TBC1D5: variants seen among roughly 807,000 people sequenced by gnomAD.
TBC1D5 encodes TBC1 domain family, member 5.
Under a neutral mutation model 100.3 loss-of-function variants are expected in TBC1D5, and 75 were observed. The ratio of observed to expected loss-of-function variants is 0.75; its 90% confidence interval spans 0.62 to 0.91. TBC1D5 has a LOEUF of 0.91. Among genes scored for constraint, TBC1D5 ranks in the 40% least tolerant of loss-of-function variants. The probability of loss-of-function intolerance (pLI) is 0.00; values close to 1 mark genes in which losing one functional copy is unlikely to be tolerated. For synonymous variants in TBC1D5, 323 were observed against 325.6 expected, an observed-to-expected ratio of 0.99 and a Z score of 0.09; for missense variants, 910 against 942.4, an observed-to-expected ratio of 0.97 and a Z score of 0.45.
intron 2 of TBC1D5, among the ~76,000 whole-genome samples, chr3:17,623,557 T>A (rs1028530819): frequency 6.6e-6 from 1 of 152,200 alleles, no homozygotes; most frequent in African/African-American, 2.4e-5. Context: ...TCATTTTTAG[T>A]CTAAATCTTC....
intron 16 of TBC1D5, among the ~76,000 whole-genome samples, chr3:17,247,866 G>A (rs2076866255): frequency 6.6e-6 from 1 of 152,086 alleles, no homozygotes. Context: ...CCATCCGTAG[G>A]AACTCTCTTC....
At chr3:17,727,573 C>T (rs546124239) in intron 1 of TBC1D5, among the ~76,000 whole-genome samples, 82 of 152,240 alleles carry the variant, frequency 5.4e-4, no homozygotes, top group African/African-American at 1.8e-3. Context: ...TAATCGTCCA[C>T]AAATCTACAT....
intron 4 of TBC1D5, among the ~76,000 whole-genome samples, chr3:17,410,447 A>G (rs1334843590): frequency 6.6e-6 from 1 of 152,090 alleles, no homozygotes; most frequent in Admixed American, 6.6e-5. Flanking sequence ...GTCATTTCTA[A>G]TTTCAAGTTT....
chr3:17,676,806 A>G (rs2068704004), intron 1 of TBC1D5, among the ~76,000 whole-genome samples: 1 of 152,232 alleles, frequency 6.6e-6, no homozygotes, highest in African/African-American at 2.4e-5. Flanking sequence ...AAACAGAGAT[A>G]TAGACCAATG....
chr3:17,454,456 G>C (rs1273441605), intron 3 of TBC1D5, among the ~76,000 whole-genome samples: 1 of 151,944 alleles, frequency 6.6e-6, no homozygotes, highest in African/African-American at 2.4e-5. Context: ...AAAATCAATA[G>C]CATCTTTTTT....
intron 2 of TBC1D5, among the ~76,000 whole-genome samples, chr3:17,606,157 G>A (rs1371258550): frequency 6.6e-6 from 1 of 152,108 alleles, no homozygotes; most frequent in Non-Finnish European, 1.5e-5. Context: ...AAGTATTTTA[G>A]GGCTGCGTAC....
chr3:17,213,086 T>A (rs2073175972), intron 18 of TBC1D5, among the ~76,000 whole-genome samples: 1 of 152,208 alleles, frequency 6.6e-6, no homozygotes, highest in African/African-American at 2.4e-5. Flanking sequence ...TACCATTTTT[T>A]TTCCTGTATA....
chr3:17,360,901 A>G (rs1191108312), intron 13 of TBC1D5, among the ~76,000 whole-genome samples: 2 of 152,000 alleles, frequency 1.3e-5, no homozygotes, highest in East Asian at 1.9e-4. Flanking sequence ...TTAGTCCCAT[A>G]TATTTACTAG....
intron 2 of TBC1D5, among the ~76,000 whole-genome samples, chr3:17,584,638 G>C (rs898596213): frequency 1.3e-5 from 2 of 151,980 alleles, no homozygotes; most frequent in Non-Finnish European, 2.9e-5. Context: ...TGTATGACAG[G>C]ATTCAAAATA....
chr3:17,354,400 TA>T (rs1209559151), intron 13 of TBC1D5, among the ~76,000 whole-genome samples: 3 of 152,154 alleles, frequency 2.0e-5, no homozygotes, highest in Non-Finnish European at 4.4e-5. Flanking sequence ...CTGTATACTT[TA>T]CACCTTCTTT....
At chr3:17,680,301 G>A (rs73166544) in intron 1 of TBC1D5, among the ~76,000 whole-genome samples, 5,558 of 149,938 alleles carry the variant, frequency 0.037, 528 homozygotes, top group African/African-American at 0.13. Flanking sequence ...GGGTGATCAC[G>A]GCTCATTGCA....
At chr3:17,710,304 C>T (rs898411671) in intron 1 of TBC1D5, among the ~76,000 whole-genome samples, 1 of 152,122 alleles carries the variant, frequency 6.6e-6, no homozygotes, top group African/African-American at 2.4e-5. Flanking sequence ...GTGGCTCACA[C>T]CTGTAATCCC....
chr3:17,280,556 C>T lies in TBC1D5; in HGVS notation c.1245+11339G>A, dbSNP rs369452459. On this transcript the variant is annotated intron_variant, in intron 15 of 21. Coordinates refer to ENST00000253692, the Ensembl canonical transcript of TBC1D5. ...CTAGACATTGGAGACTATGGTTTGA[C>T]GTCAAAGAGAAGCAGCTTGACTTCA... Among the ~76,000 whole-genome samples the T allele has an allele frequency of 2.2e-4, 34 of 152,210 alleles. No individual in the cohort carries two copies. The South Asian group carries it at 6.0e-3, about 27-fold the overall frequency.
At chr3:17,479,266 G>A (rs1338101139) in intron 3 of TBC1D5, among the ~76,000 whole-genome samples, 1 of 151,980 alleles carries the variant, frequency 6.6e-6, no homozygotes, top group African/African-American at 2.4e-5. Context: ...AGCCAGGCAT[G>A]GTAGCACATA....
At chr3:17,251,434 C>T (rs991526493) in intron 16 of TBC1D5, among the ~76,000 whole-genome samples, 4 of 145,326 alleles carry the variant, frequency 2.8e-5, no homozygotes, top group African/African-American at 9.9e-5. Flanking sequence ...AACCCCCCCC[C>T]CCCCAGTAGA....
intron 2 of TBC1D5, among the ~76,000 whole-genome samples, chr3:17,554,438 T>TA: frequency 6.6e-6 from 1 of 152,256 alleles, no homozygotes; most frequent in South Asian, 2.1e-4. Context: ...CCTCAAAGGA[T>TA]AGTGAAATGG....
chr3:17,486,150 G>C (rs1576302037), intron 3 of TBC1D5, among the ~76,000 whole-genome samples: 1 of 152,172 alleles, frequency 6.6e-6, no homozygotes. Flanking sequence ...CTTTTGAGAA[G>C]TGTCGGTTCA....
rs371022003 is a variant in TBC1D5 at position 17,738,401 on chromosome 3, ACT to A, written c.-101+940_-101+941del. ...CACACATACACACACACACACACAC[ACT>A]CTCTCTCTCTCTCTAATTCTCAAAG... On this transcript the variant is annotated intron_variant, in intron 1 of 21. Coordinates refer to ENST00000253692, the Ensembl canonical transcript of TBC1D5. 4.8e-4 allele frequency among the ~76,000 whole-genome samples: 71 copies of A among 149,444 alleles called. 1 individual carries two copies. Among genetic ancestry groups the A allele is most frequent in the Non-Finnish European group, 7.7e-4 (52 of 67,284 alleles).
chr3:17,199,804 G>A (rs1420003085), intron 18 of TBC1D5, among the ~76,000 whole-genome samples: 1 of 152,204 alleles, frequency 6.6e-6, no homozygotes, highest in East Asian at 1.9e-4. Context: ...GATCTGAAAG[G>A]CCCTTTTTGT....
Sources: gnomAD v4.1 joint callset for allele counts (sites outside exome capture counted in the v4.1 genomes callset) on GRCh38, gnomAD v4.1.1 for gene constraint, MANE v1.5 for transcripts, NCBI Gene and HGNC (gene_info 2026-07-23, HGNC 2026-07-21) for gene names.